The following TNIP1 variants were observed in gnomAD, a reference collection of about 807,000 sequenced individuals.
TNIP1 encodes the protein TNFAIP3-interacting protein 1.
In TNIP1, 22 loss-of-function variants were observed where a neutral mutation model predicts 86.6. The observed-to-expected ratio is 0.25, with a 90% CI of 0.18 to 0.36. The LOEUF (loss-of-function observed/expected upper bound fraction) is 0.36, where lower values mean the gene tolerates loss of function less well. TNIP1 is among the 10% of genes least tolerant of loss of function. TNIP1 has a pLI of 1.00. For synonymous variants in TNIP1, 294 were observed against 313.0 expected, an observed-to-expected ratio of 0.94 and a Z score of 0.64; for missense variants, 709 against 820.6, an observed-to-expected ratio of 0.86 and a Z score of 1.66.
chr5:151,033,920 G>A, intron 15 of TNIP1, 121 bp from the exon 16 acceptor site: 1 of 878,950 alleles, frequency 1.1e-6, no homozygotes, highest in South Asian at 2.8e-5. Context: ...CCAAAGGCTG[G>A]TATGTGGTCA....
upstream of TNIP1, among the ~76,000 whole-genome samples, chr5:151,082,853 TC>T (rs1764125366): frequency 6.6e-6 from 1 of 152,308 alleles, no homozygotes; most frequent in South Asian, 2.1e-4. Flanking sequence ...CCCCACCTCT[TC>T]CATTCTTTGA....
intron 17 of TNIP1, among the ~76,000 whole-genome samples, chr5:151,030,987 A>T (rs1487147195): frequency 2.0e-5 from 3 of 152,158 alleles, no homozygotes; most frequent in Non-Finnish European, 4.4e-5. Flanking sequence ...GTTTTAAATG[A>T]CTTGCTCATA....
intron 1 of TNIP1, among the ~76,000 whole-genome samples, chr5:151,072,725 T>C (rs1177642071): frequency 7.3e-5 from 11 of 151,614 alleles, no homozygotes; most frequent in African/African-American, 2.7e-4. Flanking sequence ...GTTCTAGCAC[T>C]GGACCCAACA....
intron 15 of TNIP1, 56 bp downstream of exon 15, chr5:151,034,946 C>T (rs1231513842): frequency 6.3e-7 from 1 of 1,599,372 alleles, no homozygotes; most frequent in Non-Finnish European, 8.6e-7. Context: ...ATCAGGCTAG[C>T]TCCATGAGGA....
Position 151,030,576 on chromosome 5 carries a change from A to T in TNIP1, c.*137T>A. On this transcript the variant is annotated 3_prime_UTR_variant, in exon 18 of 18. Coordinates refer to ENST00000521591, the MANE Select transcript of TNIP1 (RefSeq NM_006058.5). ...AACAGCTCAGTTCAGGGACTGGTGT[A>T]CAAGCTGGCCACCCATCTCAGCCTC... 1 of 1,441,204 alleles carries T rather than the reference A, an allele frequency of 6.9e-7. No individual in the cohort carries two copies. Among genetic ancestry groups the T allele is most frequent in the Non-Finnish European group, 9.6e-7 (1 of 1,045,634 alleles). The allele number at this position is 1,441,204 out of a possible 1,614,324, so 89.3% of individuals were successfully genotyped here. A position where few individuals can be genotyped will look rare whatever the true frequency, so the allele number is the denominator to read the frequency against.
chr5:151,061,345 T>C (rs879696254), intron 4 of TNIP1, among the ~76,000 whole-genome samples: 1 of 152,134 alleles, frequency 6.6e-6, no homozygotes, highest in African/African-American at 2.4e-5. Flanking sequence ...CCCTCCTCCA[T>C]CTACATTTTC....
rs1456478309 is a variant in TNIP1, at chr5:151,056,883, C to T, written c.510G>A (p.Val170=). Residue 170 remains valine, a synonymous_variant, in exon 6 of 18, where the codon GTG becomes GTA. Transcript: ENST00000521591. ...HLQRLETTLS[V]CAEEPDHGQL... ...GGCCGTGGTCCGGCTCCTCGGCACA[C>T]ACACTCAGCGTGGTCTCCAGGCGCT... The T allele has an allele frequency of 6.2e-7, 1 of 1,605,472 alleles. No individual in the cohort carries two copies. Among genetic ancestry groups the T allele is most frequent in the Non-Finnish European group, 8.5e-7 (1 of 1,176,604 alleles).
rs1471941838 is a variant in TNIP1 at position 151,063,663 on chromosome 5, G to A, written c.221C>T (p.Pro74Leu). Residue 74 changes from proline to leucine, a missense_variant, in exon 3 of 18, where the codon CCA becomes CTA. Transcript: ENST00000521591. ...GGAGCCCAAGGAGGGAGAAGGTGGT[G>A]GGAGCAGCTCGTTGTCCTTCACTAG... ...EELVKDNELL[P>L]PPSPSLGSFD... is the part of the protein sequence containing the mutation. The A allele has an allele frequency of 4.3e-6, 7 of 1,614,082 alleles. 1 individual carries two copies. Among genetic ancestry groups the A allele is most frequent in the South Asian group, 2.2e-5 (2 of 91,082 alleles).
intron 8 of TNIP1, among the ~76,000 whole-genome samples, chr5:151,047,183 C>T (rs779730815): frequency 6.6e-6 from 1 of 152,186 alleles, no homozygotes; most frequent in Non-Finnish European, 1.5e-5. Flanking sequence ...ACATCATGTA[C>T]CCCTGGTCTG....
chr5:151,037,835 G>C (rs959559358), intron 12 of TNIP1, among the ~76,000 whole-genome samples: 1 of 152,150 alleles, frequency 6.6e-6, no homozygotes, highest in Non-Finnish European at 1.5e-5. Context: ...CCCTAGACAC[G>C]CAAAGAAACT....
In TNIP1 at chr5:151,081,020, C is replaced by G. The variant is rs922351534; in HGVS notation, c.-177G>C. 6.6e-6 allele frequency: 1 copy of G among 152,090 alleles called. No individual in the cohort carries two copies. Among genetic ancestry groups the G allele is most frequent in the Non-Finnish European group, 1.5e-5 (1 of 68,012 alleles). 9.4% of individuals were successfully genotyped at this position (152,090 alleles called of 1,614,324 possible). A position where few individuals can be genotyped will look rare whatever the true frequency, so the allele number is the denominator to read the frequency against. ...CTGGACGGGGGCAGGGCACCCGGGC[C>G]GAGGACGAGGAAGTGCCGGGGGCCT... On this transcript the variant is annotated 5_prime_UTR_variant, in exon 1 of 18. Transcript: ENST00000521591.
intron 1 of TNIP1, among the ~76,000 whole-genome samples, chr5:151,072,765 A>G (rs1241308973): frequency 1.3e-5 from 2 of 152,080 alleles, no homozygotes; most frequent in Non-Finnish European, 2.9e-5. Context: ...GACCAAATGC[A>G]GGCTTTCACC....
intron 12 of TNIP1, chr5:151,037,124 GAA>G (rs1757808809): frequency 1.8e-6 from 1 of 554,000 alleles, no homozygotes; most frequent in Non-Finnish European, 2.9e-6. Flanking sequence ...GTGCCATGAA[GAA>G]AAGACTATGA....
chr5:151,051,600 G>A (rs1759934329), intron 7 of TNIP1, among the ~76,000 whole-genome samples: 1 of 152,196 alleles, frequency 6.6e-6, no homozygotes, highest in Non-Finnish European at 1.5e-5. Flanking sequence ...GTTTCCCAAG[G>A]CGTGATCCTG....
At chr5:151,043,059 G>T in intron 9 of TNIP1, 98 bp from the exon 10 acceptor site, 2 of 1,264,868 alleles carry the variant, frequency 1.6e-6, no homozygotes, top group Non-Finnish European at 2.3e-6. Context: ...GGTGTGCTCG[G>T]TGTGTGTGAA....
Position 151,062,140 on chromosome 5 carries a change from T to C in TNIP1, c.344A>G (p.Lys115Arg). ...CPSDKPAPVQ[K>R]PPSSGTSSEF... Reference sequence around the variant, plus strand: ...AATAAAACTTACACTGGATGGAGGCTTCTGGACTGGTGCTGGCTTGTCACT... The same window carrying C: ...AATAAAACTTACACTGGATGGAGGCCTCTGGACTGGTGCTGGCTTGTCACT... Residue 115 changes from lysine (K) to arginine (R), a missense_variant, in exon 4 of 18, where the codon AAG (lysine) becomes AGG (arginine). By Grantham distance (26) the Lys-to-Arg change is conservative (BLOSUM62 2). Coordinates refer to ENST00000521591, the MANE Select transcript of TNIP1 (RefSeq NM_006058.5). The C allele has an allele frequency of 6.2e-7, 1 of 1,614,148 alleles. No homozygotes were observed. Among genetic ancestry groups the C allele is most frequent in the Non-Finnish European group, 8.5e-7 (1 of 1,180,002 alleles).
chr5:151,043,075 G>T, intron 9 of TNIP1, 114 bp from the exon 10 acceptor site: 3 of 1,041,818 alleles, frequency 2.9e-6, no homozygotes, highest in Non-Finnish European at 4.5e-6. Flanking sequence ...GTGAATAGTG[G>T]CTACAGACAC....
At chr5:151,049,115 A>G (rs1293789073) in intron 8 of TNIP1, among the ~76,000 whole-genome samples, 1 of 152,238 alleles carries the variant, frequency 6.6e-6, no homozygotes, top group African/African-American at 2.4e-5. Flanking sequence ...GCATAGGTGT[A>G]GGGTGGGTTA....
At position 151,062,170 on chromosome 5, in the gene TNIP1, C is replaced by A; in HGVS notation, c.314G>T (p.Cys105Phe). The A allele has an allele frequency of 6.2e-7, 1 of 1,614,142 alleles. No individual in the cohort carries two copies. Among genetic ancestry groups the A allele is most frequent in the Non-Finnish European group, 8.5e-7 (1 of 1,180,004 alleles). ...NVTASPTAPA[C>F]PSDKPAPVQK... ...GACTGGTGCTGGCTTGTCACTGGGG[C>A]ATGCAGGGGCTGTGGGAGATGCTGT... The change falls in exon 4 of 18, where the codon TGC becomes TTC. Residue 105 changes from cysteine to phenylalanine, a missense_variant. Physicochemically the swap from Cys to Phe is radical, Grantham distance 205. Transcript: ENST00000521591.
Sources: gnomAD v4.1 joint callset for allele counts (sites outside exome capture counted in the v4.1 genomes callset) on GRCh38, gnomAD v4.1.1 for gene constraint, MANE v1.5 for transcripts, NCBI Gene and HGNC (gene_info 2026-07-23, HGNC 2026-07-21) for gene names.